MAP4K4: variants seen among roughly 807,000 people sequenced by gnomAD.
The protein encoded by MAP4K4 is mitogen-activated protein kinase kinase kinase kinase 4.
In MAP4K4, 38 loss-of-function variants were observed where a neutral mutation model predicts 189.6. That is an observed-to-expected ratio of 0.20 (90% CI 0.15 to 0.26). MAP4K4 has a LOEUF of 0.26. Among genes scored for constraint, MAP4K4 ranks in the 10% least tolerant of loss-of-function variants. The pLI, the probability that MAP4K4 is intolerant of heterozygous loss-of-function variation, is 1.00. For missense variants in MAP4K4, 1,054 were observed against 1,726.9 expected (o/e 0.61, Z 6.91); for synonymous variants, 610 against 624.3 (o/e 0.98, Z 0.34).
At chr2:101,819,848 G>A (rs924822592) in intron 3 of MAP4K4, among the ~76,000 whole-genome samples, 3 of 152,164 alleles carry the variant, frequency 2.0e-5, no homozygotes, top group African/African-American at 4.8e-5. Context: ...CTTTATGGTC[G>A]ACAGTGCTTC....
rs190289705 is a variant in MAP4K4 at position 101,834,373 on chromosome 2, C to T, written c.640-36C>T. Reference sequence around the variant, plus strand: ...ATGTAAGTTAGTGGCTTTGTATCTACTCCAGTATCTGTAACGTACTGTTTT... The same window carrying T: ...ATGTAAGTTAGTGGCTTTGTATCTATTCCAGTATCTGTAACGTACTGTTTT... On this transcript the variant is annotated intron_variant, in intron 7 of 32. Transcript: ENST00000324219. 38 of 1,519,156 alleles carry T rather than the reference C, an allele frequency of 2.5e-5. No homozygotes were observed. In the East Asian group the frequency reaches 8.7e-4, roughly 35 times the overall value. The allele number at this position is 1,519,156 out of a possible 1,614,324, so 94.1% of individuals were successfully genotyped here. A position where few individuals can be genotyped will look rare whatever the true frequency, so the allele number is the denominator to read the frequency against.
chr2:101,729,076 AGGAGAG>A (rs1252091915), intron 2 of MAP4K4, among the ~76,000 whole-genome samples: 2 of 38,898 alleles, frequency 5.1e-5, no homozygotes, highest in African/African-American at 1.6e-4. Flanking sequence ...GATTAGAGAG[AGGAGAG>A]AGAGAGAGAG....
At chr2:101,882,494 T>A in intron 27 of MAP4K4, 57 bp from the exon 28 acceptor site, 1 of 1,347,282 alleles carries the variant, frequency 7.4e-7, no homozygotes. Flanking sequence ...CTATTGTTAT[T>A]AATGATGAGA....
At chr2:101,869,739 G>A (rs1334777509) in exon 22 of MAP4K4, 11 of 1,593,010 alleles carry the variant, frequency 6.9e-6, no homozygotes, top group South Asian at 2.3e-5. Flanking sequence ...GGAGGACGAC[G>A]ATGTGGAGCA....
At chr2:101,819,468 A>G (rs1383982938) in intron 3 of MAP4K4, among the ~76,000 whole-genome samples, 2 of 152,232 alleles carry the variant, frequency 1.3e-5, no homozygotes, top group Admixed American at 6.5e-5. Flanking sequence ...GTAAATGACA[A>G]TTAGTGGTGC....
chr2:101,846,755 GA>G (rs2097123603), intron 12 of MAP4K4, among the ~76,000 whole-genome samples: 2 of 152,284 alleles, frequency 1.3e-5, no homozygotes, highest in African/African-American at 4.8e-5. Flanking sequence ...TCTTAATTAG[GA>G]AAGATTAAGA....
At chr2:101,779,311 C>G (rs1305615215) in intron 2 of MAP4K4, among the ~76,000 whole-genome samples, 1 of 152,070 alleles carries the variant, frequency 6.6e-6, no homozygotes, top group East Asian at 1.9e-4. Context: ...ATTGCATGGC[C>G]TCATTATGCA....
intron 2 of MAP4K4, among the ~76,000 whole-genome samples, chr2:101,710,628 A>G (rs1410422631): frequency 6.6e-6 from 1 of 152,226 alleles, no homozygotes; most frequent in African/African-American, 2.4e-5. Context: ...CACACAGTTA[A>G]AGAGGATGAT....
chr2:101,859,376 GT>G (rs1197183998), intron 14 of MAP4K4, among the ~76,000 whole-genome samples: 1 of 152,152 alleles, frequency 6.6e-6, no homozygotes, highest in Non-Finnish European at 1.5e-5. Context: ...GAAAGCACAT[GT>G]CACAGGATTT....
At chr2:101,785,283 T>C (rs2090056599) in intron 2 of MAP4K4, among the ~76,000 whole-genome samples, 1 of 152,212 alleles carries the variant, frequency 6.6e-6, no homozygotes, top group African/African-American at 2.4e-5. Flanking sequence ...GCACTATGAA[T>C]GGAAAAAGTG....
At chr2:101,812,978 A>C (rs532481807) in intron 3 of MAP4K4, among the ~76,000 whole-genome samples, 9 of 152,182 alleles carry the variant, frequency 5.9e-5, no homozygotes, top group African/African-American at 2.2e-4. Context: ...AAATACAAAA[A>C]ATTAGCTGGG....
chr2:101,782,886 G>A (rs547315445), intron 2 of MAP4K4, among the ~76,000 whole-genome samples: 14 of 152,186 alleles, frequency 9.2e-5, no homozygotes, highest in East Asian at 1.9e-4. Context: ...ACACCTATGA[G>A]TGAGGCCTAT....
At chr2:101,778,952 C>T (rs748567018) in intron 2 of MAP4K4, among the ~76,000 whole-genome samples, 7 of 152,206 alleles carry the variant, frequency 4.6e-5, no homozygotes, top group Admixed American at 6.5e-5. Context: ...GTGTGACCTT[C>T]GGCTCGTTTT....
chr2:101,706,308 A>G (rs1025140626), intron 2 of MAP4K4, among the ~76,000 whole-genome samples: 2 of 152,220 alleles, frequency 1.3e-5, no homozygotes, highest in Non-Finnish European at 2.9e-5. Flanking sequence ...GTAGTTGAAT[A>G]TTTAACTCCT....
chr2:101,850,025 A>G (rs1164729545), intron 12 of MAP4K4, among the ~76,000 whole-genome samples: 1 of 152,154 alleles, frequency 6.6e-6, no homozygotes, highest in Non-Finnish European at 1.5e-5. Context: ...ATTTAAAAAA[A>G]TTTCTTACAT....
At chr2:101,698,906 C>T (rs72829208) in intron 2 of MAP4K4, among the ~76,000 whole-genome samples, 1 of 152,140 alleles carries the variant, frequency 6.6e-6, no homozygotes, top group African/African-American at 2.4e-5. Flanking sequence ...CGGGCCTTGC[C>T]TCTGACGATC....
At chr2:101,890,223 G>A (rs534551997) in intron 32 of MAP4K4, among the ~76,000 whole-genome samples, 5 of 152,246 alleles carry the variant, frequency 3.3e-5, no homozygotes, top group African/African-American at 9.6e-5. Flanking sequence ...GGAGTCTTCC[G>A]TGATGCTCAT....
At chr2:101,778,991 TC>T (rs2085827659) in intron 2 of MAP4K4, among the ~76,000 whole-genome samples, 1 of 152,192 alleles carries the variant, frequency 6.6e-6, no homozygotes, top group African/African-American at 2.4e-5. Flanking sequence ...CTACTTTCTT[TC>T]TGTAAAATAG....
At chr2:101,877,145 T>C in exon 27 of MAP4K4, 1 of 1,613,938 alleles carries the variant, frequency 6.2e-7, no homozygotes, top group South Asian at 1.1e-5. Context: ...TGACAATATC[T>C]GGTGAGTGTT....
Sources: allele counts gnomAD v4.1 joint callset (sites outside exome capture counted in the v4.1 genomes callset), GRCh38; gene constraint gnomAD v4.1.1; transcripts MANE v1.5; gene names NCBI Gene and HGNC (gene_info 2026-07-23, HGNC 2026-07-21).